The following SPART variants were observed in gnomAD, a reference collection of about 807,000 sequenced individuals.
SPART encodes the protein spartin.
A neutral mutation model predicts 58.7 loss-of-function variants in SPART; 35 were observed. The ratio of observed to expected loss-of-function variants is 0.60; its 90% confidence interval spans 0.46 to 0.79. The LOEUF is 0.79. Ranked by LOEUF, SPART falls within the 30% of genes least tolerant of loss-of-function variation. SPART has a pLI of 0.00. For synonymous variants in SPART, 284 were observed against 280.7 expected, an observed-to-expected ratio of 1.01 and a Z score of -0.12; for missense variants, 730 against 786.1, an observed-to-expected ratio of 0.93 and a Z score of 0.85.
chr13:36,368,226 G>T (rs1355857496), intron 1 of SPART: 2 of 464,154 alleles, frequency 4.3e-6, no homozygotes, highest in Admixed American at 4.8e-5. Context: ...AGCTGCTGAG[G>T]ATACAGGAAT....
intron 5 of SPART, among the ~76,000 whole-genome samples, chr13:36,325,536 A>G (rs556200374): frequency 2.0e-4 from 30 of 152,284 alleles, no homozygotes; most frequent in Admixed American, 2.6e-4. Flanking sequence ...ATGAGTCAAG[A>G]CCCATTTAAT....
At chr13:36,356,126 C>A (rs9547431) in intron 1 of SPART, among the ~76,000 whole-genome samples, 23,536 of 152,212 alleles carry the variant, frequency 0.15, 2,184 homozygotes, top group Non-Finnish European at 0.21. Flanking sequence ...AACTTTTGAT[C>A]TACTATGGGT....
Position 36,328,283 on chromosome 13 carries a change from G to A in SPART, c.1164+1079C>T, listed in dbSNP as rs116025268. Among the ~76,000 whole-genome samples, 149 of 152,162 alleles carry A rather than the reference G, an allele frequency of 9.8e-4. 1 individual carries two copies. Among genetic ancestry groups the A allele is most frequent in the African/African-American group, 3.4e-3 (141 of 41,516 alleles). ...TTCATCAATTCCAAAGATAATTATT[G>A]AGCATTTACCATGTGGAATATAGCA... On this transcript the variant is annotated intron_variant, in intron 4 of 8. Coordinates refer to ENST00000438666, the MANE Select transcript of SPART (RefSeq NM_015087.5).
rs905703465 is a variant in SPART, at chr13:36,302,777, G to C, written c.*1588C>G. 1.3e-5 allele frequency: 2 copies of C among 152,114 alleles called. No homozygotes were observed. Among genetic ancestry groups the C allele is most frequent in the Admixed American group, 1.3e-4 (2 of 15,268 alleles). 9.4% of individuals were successfully genotyped at this position (152,114 alleles called of 1,614,324 possible). ...ACTCTTTTATTTTTAAATGTATAAA[G>C]TTATTGTTGACTGTAGTCACCCTGT... On this transcript the variant is annotated 3_prime_UTR_variant, in exon 9 of 9. Transcript: ENST00000438666.
intron 5 of SPART, 190 bp downstream of exon 5, chr13:36,326,385 G>T: frequency 1.5e-6 from 1 of 646,572 alleles, no homozygotes; most frequent in Non-Finnish European, 2.6e-6. Flanking sequence ...AGGCCAGGAA[G>T]AATTTATACT....
chr13:36,366,491 G>A (rs1886058363), intron 1 of SPART, among the ~76,000 whole-genome samples: 1 of 152,140 alleles, frequency 6.6e-6, no homozygotes, highest in African/African-American at 2.4e-5. Context: ...TTCTGGTTCA[G>A]CAGTTTCAAT....
rs776312598 is a variant in SPART, at chr13:36,335,157, G to A, written c.674C>T (p.Pro225Leu). Residue 225 changes from proline (P) to leucine (L), a missense_variant, in exon 2 of 9, where the codon CCA becomes CTA. Coordinates refer to ENST00000438666, the MANE Select transcript of SPART (RefSeq NM_015087.5). ...GLDADELILI[P>L]NGVQIFFVNP... ...TACAAAAAAAATCTGTACTCCATTT[G>A]GTATCAAAATCAATTCATCTGCATC... 6.2e-7 allele frequency: 1 copy of A among 1,614,044 alleles called. No individual in the cohort carries two copies. Among genetic ancestry groups the A allele is most frequent in the South Asian group, 1.1e-5 (1 of 91,076 alleles).
upstream of SPART, among the ~76,000 whole-genome samples, chr13:36,349,608 A>G (rs1416189677): frequency 6.6e-6 from 1 of 152,222 alleles, no homozygotes; most frequent in Non-Finnish European, 1.5e-5. Flanking sequence ...CAAAACCTGT[A>G]TTAGTGGTCC....
At chr13:36,313,163 T>G (rs1262468283) in intron 6 of SPART, among the ~76,000 whole-genome samples, 1 of 152,162 alleles carries the variant, frequency 6.6e-6, no homozygotes, top group African/African-American at 2.4e-5. Flanking sequence ...ACTAAGTCAG[T>G]TTTTCTCAAA....
intron 1 of SPART, among the ~76,000 whole-genome samples, chr13:36,339,887 T>G (rs1017117780): frequency 2.0e-5 from 3 of 151,860 alleles, no homozygotes. Flanking sequence ...GGCAACATAG[T>G]GAGACCAGCT....
chr13:36,338,112 T>C (rs1884200566), intron 1 of SPART, among the ~76,000 whole-genome samples: 1 of 152,142 alleles, frequency 6.6e-6, no homozygotes, highest in Admixed American at 6.5e-5. Context: ...ACACTATCCA[T>C]GGTTTCAGGC....
chr13:36,325,740 A>T (rs1355571145), intron 5 of SPART, among the ~76,000 whole-genome samples: 1 of 152,200 alleles, frequency 6.6e-6, no homozygotes, highest in Admixed American at 6.5e-5. Flanking sequence ...ACCATAATTA[A>T]ACAGCAGAGA....
chr13:36,332,593 A>G (rs1042142710), intron 2 of SPART, among the ~76,000 whole-genome samples: 2 of 152,242 alleles, frequency 1.3e-5, no homozygotes, highest in Non-Finnish European at 2.9e-5. Flanking sequence ...AACCTGACAT[A>G]ACAGAATAGA....
intron 5 of SPART, chr13:36,326,358 T>C (rs1048215603): frequency 2.0e-5 from 11 of 555,894 alleles, no homozygotes; most frequent in South Asian, 8.4e-5. Flanking sequence ...ATTTTCCCAA[T>C]AGTAGAACAG....
chr13:36,347,458 AGC>A (rs1885220827), upstream of SPART, among the ~76,000 whole-genome samples: 1 of 152,082 alleles, frequency 6.6e-6, no homozygotes, highest in Admixed American at 6.5e-5. Context: ...ACCTCAAGTT[AGC>A]CAGGCTGGTC....
rs575793697 is a variant in SPART at position 36,332,112 on chromosome 13, C to T, written c.811-516G>A. Among the ~76,000 whole-genome samples the T allele has an allele frequency of 5.3e-5, 8 of 152,154 alleles. No homozygotes were observed. In the South Asian group the frequency reaches 1.0e-3, roughly 20 times the overall value. ...GCACAGAGAGGTCAATTAAGTCGCC[C>T]AGAACCAACAACTAAAAAGTGGAGC... On this transcript the variant is annotated intron_variant, in intron 2 of 8. Coordinates refer to ENST00000438666, the MANE Select transcript of SPART (RefSeq NM_015087.5).
At chr13:36,344,349 G>A (rs919570237) in intron 1 of SPART, among the ~76,000 whole-genome samples, 1 of 152,134 alleles carries the variant, frequency 6.6e-6, no homozygotes, top group African/African-American at 2.4e-5. Context: ...TCAATGGAGG[G>A]AACAAGATGG....
intron 6 of SPART, among the ~76,000 whole-genome samples, chr13:36,313,553 A>C (rs1881349250): frequency 6.6e-6 from 1 of 152,198 alleles, no homozygotes; most frequent in Admixed American, 6.5e-5. Context: ...CACTTCTGGT[A>C]AGTGCTCTCT....
At chr13:36,352,239 T>C (rs1593289564) in intron 1 of SPART, among the ~76,000 whole-genome samples, 1 of 152,346 alleles carries the variant, frequency 6.6e-6, no homozygotes, top group East Asian at 1.9e-4. Flanking sequence ...TAGTAAAGTA[T>C]AACTTTCCTC....
Sources: gnomAD v4.1 joint callset for allele counts (sites outside exome capture counted in the v4.1 genomes callset) on GRCh38, gnomAD v4.1.1 for gene constraint, MANE v1.5 for transcripts, NCBI Gene and HGNC (gene_info 2026-07-23, HGNC 2026-07-21) for gene names.